The following GAB2 variants were observed in gnomAD, a reference collection of about 807,000 sequenced individuals.
GAB2 encodes GRB2-associated-binding protein 2.
In GAB2, 26 loss-of-function variants were observed where a neutral mutation model predicts 65.5. The observed-to-expected ratio is 0.40, with a 90% confidence interval of 0.29 to 0.55. The LOEUF (loss-of-function observed/expected upper bound fraction) is 0.55. Among genes scored for constraint, GAB2 ranks in the 20% least tolerant of loss-of-function variants. The pLI is 0.53. For missense variants in GAB2, 884 were observed against 875.8 expected, an observed-to-expected ratio of 1.01 and a Z score of -0.12; for synonymous variants, 321 against 329.6, an observed-to-expected ratio of 0.97 and a Z score of 0.28.
intron 1 of GAB2, among the ~76,000 whole-genome samples, chr11:78,329,255 G>A (rs1425844038): frequency 1.3e-5 from 2 of 152,146 alleles, no homozygotes; most frequent in Non-Finnish European, 2.9e-5. Flanking sequence ...GCGTGGCTAG[G>A]AGAAAGAGAG....
chr11:78,365,833 G>A (rs965537745), intron 1 of GAB2, among the ~76,000 whole-genome samples: 40 of 152,086 alleles, frequency 2.6e-4, no homozygotes, highest in Admixed American at 2.4e-3. Flanking sequence ...CAATACACAG[G>A]TCCAAATTCC....
At position 78,288,946 on chromosome 11, in the gene GAB2, T is replaced by C. The variant is rs567122500; in HGVS notation, c.76-8045A>G. On this transcript the variant is annotated intron_variant, in intron 1 of 9. Coordinates refer to ENST00000361507, the MANE Select transcript of GAB2 (RefSeq NM_080491.3). ...TATATAGCTACAACAATCAAGACTG[T>C]GTAGCACTGGCGAAGAGACAGACAC... Among the ~76,000 whole-genome samples the C allele has an allele frequency of 7.2e-3, 1,103 of 152,332 alleles. 6 individuals are homozygous for C. Among genetic ancestry groups the C allele is most frequent in the Middle Eastern group, 0.027 (8 of 294 alleles).
At chr11:78,362,728 A>G (rs1856449976) in intron 1 of GAB2, among the ~76,000 whole-genome samples, 1 of 152,192 alleles carries the variant, frequency 6.6e-6, no homozygotes, top group East Asian at 1.9e-4. Context: ...TTTTTTAAAG[A>G]TACACCTAAA....
chr11:78,274,170 A>G (rs1866099743), intron 2 of GAB2, among the ~76,000 whole-genome samples: 1 of 152,194 alleles, frequency 6.6e-6, no homozygotes, highest in Non-Finnish European at 1.5e-5. Context: ...AGTTACTTGG[A>G]GGCTGAGGTG....
intron 1 of GAB2, among the ~76,000 whole-genome samples, chr11:78,304,461 G>A (rs1591019808): frequency 6.6e-6 from 1 of 152,074 alleles, no homozygotes; most frequent in African/African-American, 2.4e-5. Flanking sequence ...TGGTGTACTC[G>A]ATTTCGCCAA....
intron 3 of GAB2, among the ~76,000 whole-genome samples, chr11:78,234,684 T>C (rs1864938097): frequency 2.0e-5 from 3 of 151,424 alleles, no homozygotes; most frequent in Admixed American, 6.6e-5. Flanking sequence ...CTAATTCTTC[T>C]AGTGATCTAC....
chr11:78,362,737 A>T (rs1396034454), intron 1 of GAB2, among the ~76,000 whole-genome samples: 3 of 152,186 alleles, frequency 2.0e-5, no homozygotes, highest in African/African-American at 7.2e-5. Context: ...GATACACCTA[A>T]AATACAAGAG....
intron 3 of GAB2, among the ~76,000 whole-genome samples, chr11:78,244,047 C>T (rs1865220640): frequency 1.3e-5 from 2 of 151,788 alleles, no homozygotes; most frequent in East Asian, 1.9e-4. Context: ...CAAAAAAGGG[C>T]CCAGCTAAGA....
rs901103 is a variant in GAB2, at chr11:78,220,300, C to T, written c.1887+19G>A. 288,465 of 1,610,396 alleles carry T rather than the reference C, an allele frequency of 0.18. 29,252 individuals carry two copies. The highest frequency in any genetic ancestry group is 0.4 in the East Asian group (18,041 of 44,758). ...GACCCTGAGAGCTCTTACTGCCCCC[C>T]CAACTCTACTCCAGGCACCTTGCGG... On this transcript the variant is annotated intron_variant, in intron 9 of 9. Transcript: ENST00000361507.
chr11:78,362,016 A>G (rs901960439), intron 1 of GAB2, among the ~76,000 whole-genome samples: 1 of 152,136 alleles, frequency 6.6e-6, no homozygotes, highest in Non-Finnish European at 1.5e-5. Flanking sequence ...TGCTTTTTAA[A>G]AAGGCATGGG....
intron 1 of GAB2, among the ~76,000 whole-genome samples, chr11:78,359,315 A>G (rs1856402510): frequency 6.6e-6 from 1 of 152,220 alleles, no homozygotes; most frequent in South Asian, 2.1e-4. Context: ...ACCAAAGACA[A>G]AAAAGAAGAC....
At chr11:78,357,325 TA>T (rs916833212) in intron 1 of GAB2, among the ~76,000 whole-genome samples, 3 of 151,988 alleles carry the variant, frequency 2.0e-5, no homozygotes, top group Non-Finnish European at 4.4e-5. Flanking sequence ...AAAGGAACCA[TA>T]AAAAAACTGA....
rs554979494 is a variant in GAB2, at chr11:78,322,412, T to C, written c.76-41511A>G. Among the ~76,000 whole-genome samples the C allele has an allele frequency of 1.9e-4, 29 of 149,366 alleles. No individual in the cohort carries two copies. The East Asian group carries it at 5.3e-3, about 28-fold the overall frequency. Reference sequence around the variant, plus strand: ...TCAGCCTTGGCAAGGAATTTATGACTAAGTCCTCTAAAGCAATTACAACAA... The same window carrying C: ...TCAGCCTTGGCAAGGAATTTATGACCAAGTCCTCTAAAGCAATTACAACAA... On this transcript the variant is annotated intron_variant, in intron 1 of 9. Transcript: ENST00000361507.
intron 1 of GAB2, among the ~76,000 whole-genome samples, chr11:78,304,993 C>T (rs962622907): frequency 1.1e-4 from 16 of 152,230 alleles, no homozygotes; most frequent in African/African-American, 3.1e-4. Context: ...GCCTTCCTTA[C>T]TCTCTCTGGG....
intron 1 of GAB2, chr11:78,392,483 A>T (rs1030230915): frequency 6.6e-6 from 1 of 152,240 alleles, no homozygotes; most frequent in Non-Finnish European, 1.5e-5. Flanking sequence ...TAACATTCCT[A>T]TGATGCCATT....
At chr11:78,276,915 T>A (rs781291118) in intron 2 of GAB2, among the ~76,000 whole-genome samples, 4 of 152,344 alleles carry the variant, frequency 2.6e-5, no homozygotes, top group Non-Finnish European at 4.4e-5. Flanking sequence ...CCTCCCAGGT[T>A]CACGCCATTC....
At chr11:78,390,673 C>T (rs191355776) in intron 1 of GAB2, among the ~76,000 whole-genome samples, 7 of 152,200 alleles carry the variant, frequency 4.6e-5, no homozygotes, top group Non-Finnish European at 5.9e-5. Context: ...TGTCCAATAC[C>T]GCGATCTCCT....
chr11:78,368,603 T>TA (rs1477803410), intron 1 of GAB2, among the ~76,000 whole-genome samples: 2 of 151,960 alleles, frequency 1.3e-5, no homozygotes, highest in African/African-American at 2.4e-5. Flanking sequence ...TTTCACTAAA[T>TA]ACTAGTGCAT....
intron 1 of GAB2, among the ~76,000 whole-genome samples, chr11:78,351,623 G>A (rs1297894892): frequency 1.3e-5 from 2 of 152,038 alleles, no homozygotes; most frequent in Admixed American, 6.6e-5. Context: ...CCATTTCTAC[G>A]TGAAATAGTC....
Sources: allele counts gnomAD v4.1 joint callset (sites outside exome capture counted in the v4.1 genomes callset), GRCh38; gene constraint gnomAD v4.1.1; transcripts MANE v1.5; gene names NCBI Gene and HGNC (gene_info 2026-07-23, HGNC 2026-07-21).